Variants in MAPK9 observed in about 807,000 individuals in gnomAD.
MAPK9 encodes mitogen-activated protein kinase 9, also known as Jun kinase.
A neutral mutation model predicts 57.1 loss-of-function variants in MAPK9; 30 were observed. That is an observed-to-expected ratio of 0.53 (90% CI 0.39 to 0.71). MAPK9 has a LOEUF of 0.71. Ranked by LOEUF, MAPK9 falls within the 30% of genes least tolerant of loss-of-function variation. The pLI, the probability that MAPK9 is intolerant of heterozygous loss-of-function variation, is 0.00. For missense variants in MAPK9, 362 were observed against 521.0 expected, an observed-to-expected ratio of 0.69 and a Z score of 2.97; for synonymous variants, 155 against 177.0, an observed-to-expected ratio of 0.88 and a Z score of 0.99.
At chr5:180,268,345 G>A (rs1183161457) in intron 3 of MAPK9, among the ~76,000 whole-genome samples, 1 of 152,156 alleles carries the variant, frequency 6.6e-6, no homozygotes, top group African/African-American at 2.4e-5. Context: ...CATATACAAG[G>A]TAAAAACCTA....
intron 1 of MAPK9, among the ~76,000 whole-genome samples, chr5:180,284,289 C>A (rs10052124): frequency 0.14 from 21,801 of 152,250 alleles, 1,633 homozygotes; most frequent in South Asian, 0.22. Flanking sequence ...GTTCCTCCCC[C>A]TCAGCTCCCA....
intron 2 of MAPK9, among the ~76,000 whole-genome samples, chr5:180,274,461 C>T (rs1761635618): frequency 6.6e-6 from 1 of 152,338 alleles, no homozygotes; most frequent in Middle Eastern, 3.4e-3. Context: ...GGGCATGCCA[C>T]TGCTGCCTTG....
Position 180,291,974 on chromosome 5 carries a change from CCG to C in MAPK9, c.-176_-175del, listed in dbSNP as rs1763313095. The C allele has an allele frequency of 8.0e-5, 2 of 24,920 alleles. No homozygotes were observed. Among genetic ancestry groups the C allele is most frequent in the Non-Finnish European group, 1.6e-4 (2 of 12,286 alleles). 1.5% of individuals were successfully genotyped at this position (24,920 alleles called of 1,614,324 possible). ...GCCCGCCCCGCTCCGCTCCGCCCCG[CCG>C]CCGCCGCCGCCGCCGCCGCCGCAGT... On this transcript the variant is annotated 5_prime_UTR_variant, in exon 1 of 12. Coordinates refer to ENST00000452135, the MANE Select transcript of MAPK9 (RefSeq NM_002752.5).
chr5:180,244,101 G>C (rs972621769), intron 7 of MAPK9, among the ~76,000 whole-genome samples: 1 of 152,006 alleles, frequency 6.6e-6, no homozygotes, highest in African/African-American at 2.4e-5. Context: ...TGCCTGCCTC[G>C]GCCTCCCAAA....
intron 4 of MAPK9, among the ~76,000 whole-genome samples, chr5:180,262,248 G>C (rs1240162106): frequency 6.6e-6 from 1 of 152,046 alleles, no homozygotes; most frequent in African/African-American, 2.4e-5. Flanking sequence ...GCTCAATTTT[G>C]CTGTGGCTCT....
intron 3 of MAPK9, among the ~76,000 whole-genome samples, chr5:180,267,416 G>T (rs1760707560): frequency 6.6e-6 from 1 of 151,748 alleles, no homozygotes; most frequent in Non-Finnish European, 1.5e-5. Context: ...CAAAAAATTA[G>T]CTGGGTGTGG....
At chr5:180,276,379 C>T (rs1418408574) in intron 2 of MAPK9, among the ~76,000 whole-genome samples, 3 of 151,968 alleles carry the variant, frequency 2.0e-5, no homozygotes, top group East Asian at 3.9e-4. Context: ...AGAATGGTTT[C>T]GTAAAGCAAA....
chr5:180,284,550 G>A (rs1384884062), intron 1 of MAPK9, among the ~76,000 whole-genome samples: 1 of 152,228 alleles, frequency 6.6e-6, no homozygotes, highest in East Asian at 1.9e-4. Context: ...AGTGAGAGCT[G>A]AGAAGTGGTA....
At chr5:180,290,311 G>A (rs1314164973) in intron 1 of MAPK9, among the ~76,000 whole-genome samples, 1 of 152,112 alleles carries the variant, frequency 6.6e-6, no homozygotes, top group Non-Finnish European at 1.5e-5. Flanking sequence ...ACACCTCTGT[G>A]CCTCTCCCTG....
intron 2 of MAPK9, among the ~76,000 whole-genome samples, chr5:180,278,763 C>T (rs914840637): frequency 9.3e-5 from 14 of 151,298 alleles, no homozygotes; most frequent in Non-Finnish European, 1.5e-4. Context: ...CCAAGACCTC[C>T]GACATTTCTC....
intron 11 of MAPK9, chr5:180,236,814 A>C (rs1460858138): frequency 4.3e-6 from 1 of 231,066 alleles, no homozygotes; most frequent in Non-Finnish European, 8.4e-6. Flanking sequence ...CTTAAAAAAT[A>C]CCTGCTGCTT....
intron 2 of MAPK9, among the ~76,000 whole-genome samples, chr5:180,273,873 G>A (rs1176961619): frequency 6.6e-6 from 1 of 152,122 alleles, no homozygotes; most frequent in African/African-American, 2.4e-5. Flanking sequence ...CAGTTTTATG[G>A]TAAGTCTTCA....
chr5:180,256,445 T>G (rs1196777547), intron 5 of MAPK9, among the ~76,000 whole-genome samples: 2 of 152,112 alleles, frequency 1.3e-5, no homozygotes, highest in African/African-American at 4.8e-5. Context: ...CTTTGCTTTA[T>G]ACACCTGTGC....
chr5:180,238,544 T>A, intron 10 of MAPK9, 141 bp from the exon 11 acceptor site: 1 of 605,842 alleles, frequency 1.7e-6, no homozygotes, highest in Non-Finnish European at 2.9e-6. Flanking sequence ...AATTCAGTAA[T>A]ATAGTCTACC....
Position 180,247,855 on chromosome 5 carries a change from A to G in MAPK9, c.617-345T>C, listed in dbSNP as rs202094095. 3.6e-5 allele frequency: 58 copies of G among 1,614,112 alleles called. No individual in the cohort carries two copies. The highest frequency in any genetic ancestry group is 4.9e-5 in the Non-Finnish European group (58 of 1,179,992). ...GTACCGGGTCCCCTGTGAAGGATAC[A>G]GTCTCTTCCCGGGAACAGGACTTTA... On this transcript the variant is annotated intron_variant, in intron 6 of 11. Coordinates refer to ENST00000452135, the MANE Select transcript of MAPK9 (RefSeq NM_002752.5). This position sits in a 1 kb window ranked among gnomAD's most constrained non-coding sequence, Gnocchi z 4.5.
At chr5:180,257,158 CAA>C (rs1408200998) in intron 5 of MAPK9, among the ~76,000 whole-genome samples, 1 of 152,204 alleles carries the variant, frequency 6.6e-6, no homozygotes, top group Non-Finnish European at 1.5e-5. Context: ...CCTGGGAGGA[CAA>C]GAGCTATCCC....
chr5:180,288,970 T>C (rs961029703), intron 1 of MAPK9, among the ~76,000 whole-genome samples: 1 of 152,230 alleles, frequency 6.6e-6, no homozygotes. Flanking sequence ...AACTGGTTCA[T>C]ACAATCAAGT....
chr5:180,287,628 A>G (rs1365787286), intron 1 of MAPK9, among the ~76,000 whole-genome samples: 3 of 152,122 alleles, frequency 2.0e-5, no homozygotes. Flanking sequence ...GCCTCTGCCT[A>G]AGCTGTTCCA....
intron 1 of MAPK9, chr5:180,287,199 G>C (rs1213299132): frequency 6.6e-6 from 1 of 152,190 alleles, no homozygotes; most frequent in Admixed American, 6.5e-5. Flanking sequence ...ACATAGTTTT[G>C]AATCTTGATT....
Sources: allele counts gnomAD v4.1 joint callset (sites outside exome capture counted in the v4.1 genomes callset), GRCh38; gene constraint gnomAD v4.1.1; non-coding constraint Gnocchi (gnomAD v3.1); transcripts MANE v1.5; gene names NCBI Gene and HGNC (gene_info 2026-07-23, HGNC 2026-07-21).